XIRP2: variants seen among roughly 807,000 people sequenced by gnomAD.
The protein encoded by XIRP2 is xin actin binding repeat containing 2.
Under a neutral mutation model 277.0 loss-of-function variants are expected in XIRP2, and 236 were observed. The ratio of observed to expected loss-of-function variants is 0.85; its 90% confidence interval spans 0.77 to 0.95. The LOEUF (loss-of-function observed/expected upper bound fraction) is 0.95. XIRP2 is among the 40% of genes least tolerant of loss of function. The probability of loss-of-function intolerance (pLI) is 0.00; values close to 1 mark genes in which losing one functional copy is unlikely to be tolerated. For missense variants in XIRP2, 4,640 were observed against 4,157.5 expected (o/e 1.12, Z -3.19); for synonymous variants, 1,490 against 1,416.5 (o/e 1.05, Z -1.17).
intron 2 of XIRP2, among the ~76,000 whole-genome samples, chr2:166,953,156 GT>G (rs1350279691): frequency 6.6e-6 from 1 of 151,920 alleles, no homozygotes; most frequent in Non-Finnish European, 1.5e-5. Context: ...GCTCTCCAAA[GT>G]GCAAATGTGC....
At chr2:167,194,277 C>T (rs1377188727) in intron 3 of XIRP2, among the ~76,000 whole-genome samples, 3 of 151,886 alleles carry the variant, frequency 2.0e-5, no homozygotes, top group Non-Finnish European at 4.4e-5. Context: ...GACGAGGTTT[C>T]ACCATGTCGG....
chr2:167,127,314 C>T lies in XIRP2; in HGVS notation c.409-8595C>T, dbSNP rs185072233. On this transcript the variant is annotated intron_variant, in intron 2 of 10. Transcript: ENST00000409195. ...AGGTAGAGTTGTGCATCTATCATGA[C>T]GATTTTCCAGCAGATGGCAGTAACA... 3.9e-5 allele frequency among the ~76,000 whole-genome samples: 6 copies of T among 152,252 alleles called. No individual in the cohort carries two copies. In the East Asian group the frequency reaches 7.7e-4, roughly 20 times the overall value.
chr2:167,097,013 T>C (rs1463571815), intron 2 of XIRP2, among the ~76,000 whole-genome samples: 1 of 152,188 alleles, frequency 6.6e-6, no homozygotes, highest in East Asian at 1.9e-4. Flanking sequence ...AAGAATAATG[T>C]ATATTCTGTT....
chr2:167,149,587 C>T (rs1046148977), intron 3 of XIRP2, among the ~76,000 whole-genome samples: 13 of 151,982 alleles, frequency 8.6e-5, no homozygotes, highest in Admixed American at 3.9e-4. Flanking sequence ...AAGAAAAATT[C>T]GATCTTGTCT....
chr2:167,027,303 T>A (rs1296250328), intron 2 of XIRP2, among the ~76,000 whole-genome samples: 2 of 152,176 alleles, frequency 1.3e-5, no homozygotes, highest in Non-Finnish European at 2.9e-5. Context: ...CATCAGCTCC[T>A]GAGGCTTCTA....
chr2:167,259,662 A>AT lies in XIRP2; in HGVS notation c.*1850dup, dbSNP rs2105460922. 1 of 271,452 alleles carries AT rather than the reference A, an allele frequency of 3.7e-6. No homozygotes were observed. The allele number at this position is 271,452 out of a possible 1,614,324, so 16.8% of individuals were successfully genotyped here. ...TTTCCTGTAAAACATCATGGGTGTG[A>AT]TTTTTATACTGCTGCTGCTTGTCAC... On this transcript the variant is annotated 3_prime_UTR_variant, in exon 11 of 11. Transcript: ENST00000409195.
At chr2:167,082,110 C>A (rs1689754637) in intron 2 of XIRP2, among the ~76,000 whole-genome samples, 1 of 148,622 alleles carries the variant, frequency 6.7e-6, no homozygotes, top group African/African-American at 2.5e-5. Context: ...CTCTACCCAC[C>A]ACAGTCCCCA....
chr2:167,076,729 A>C (rs1313386702), intron 2 of XIRP2, among the ~76,000 whole-genome samples: 1 of 152,230 alleles, frequency 6.6e-6, no homozygotes, highest in Admixed American at 6.5e-5. Flanking sequence ...TGTGTTCATA[A>C]GCATTGATTA....
chr2:167,000,713 T>A (rs1241620142), intron 2 of XIRP2, among the ~76,000 whole-genome samples: 1 of 152,148 alleles, frequency 6.6e-6, no homozygotes, highest in Non-Finnish European at 1.5e-5. Context: ...TATGTTTCAA[T>A]CATTTACAGT....
chr2:167,100,302 G>A (rs549764714), intron 2 of XIRP2, among the ~76,000 whole-genome samples: 15 of 152,108 alleles, frequency 9.9e-5, no homozygotes, highest in African/African-American at 1.4e-4. Context: ...TCTTTGAAAA[G>A]GTTTACTTCT....
chr2:167,092,008 G>T (rs72884659), intron 2 of XIRP2, among the ~76,000 whole-genome samples: 5,994 of 152,160 alleles, frequency 0.039, 170 homozygotes, highest in Non-Finnish European at 0.063. Flanking sequence ...GACTTGTTGG[G>T]CCAAGATCCA....
chr2:166,955,072 A>C (rs1484642772), intron 2 of XIRP2, among the ~76,000 whole-genome samples: 1 of 151,918 alleles, frequency 6.6e-6, no homozygotes, highest in African/African-American at 2.4e-5. Context: ...AACTTATAAA[A>C]TAAAATAATT....
At position 167,251,044 on chromosome 2, in the gene XIRP2, C is replaced by G; in HGVS notation, c.9652C>G (p.Pro3218Ala). 1 of 1,613,642 alleles carries G rather than the reference C, an allele frequency of 6.2e-7. No individual in the cohort carries two copies. The highest frequency in any genetic ancestry group is 8.5e-7 in the Non-Finnish European group (1 of 1,179,740). The change falls in exon 9 of 11, where the codon CCT becomes GCT. Residue 3218 changes from proline (P) to alanine (A), a missense_variant. Physicochemically the swap from Pro to Ala is conservative, Grantham distance 27 (BLOSUM62 -1). Transcript: ENST00000409195. ...VEKRSEIIMSPATLRRQIKIE... is the reference protein window; with the variant it reads ...VEKRSEIIMSAATLRRQIKIE... ...GAAGAGGTCTGAAATCATCATGTCTCCTGCAACACTTCGTCGTCAAATTAA... is the reference window on the plus strand; with the variant it reads ...GAAGAGGTCTGAAATCATCATGTCTGCTGCAACACTTCGTCGTCAAATTAA...
intron 2 of XIRP2, among the ~76,000 whole-genome samples, chr2:166,918,806 A>G (rs1264364337): frequency 2.0e-5 from 3 of 152,112 alleles, no homozygotes; most frequent in Non-Finnish European, 4.4e-5. Flanking sequence ...TTTGTGGGGA[A>G]ATGATCCTCT....
intron 2 of XIRP2, among the ~76,000 whole-genome samples, chr2:167,015,571 G>T (rs907567478): frequency 2.0e-5 from 3 of 151,700 alleles, no homozygotes; most frequent in African/African-American, 4.8e-5. Flanking sequence ...AGTCACCTAA[G>T]TTGCAAAACT....
chr2:166,950,220 T>C (rs1685991251), intron 2 of XIRP2, among the ~76,000 whole-genome samples: 1 of 152,056 alleles, frequency 6.6e-6, no homozygotes, highest in South Asian at 2.1e-4. Flanking sequence ...AATATCTGCA[T>C]GTAGTATTTG....
At chr2:167,187,353 C>T in intron 3 of XIRP2, 5 of 985,364 alleles carry the variant, frequency 5.1e-6, no homozygotes, top group Non-Finnish European at 4.8e-6. Flanking sequence ...ATAAATTCAG[C>T]CGTCCCATCT....
chr2:167,220,242 G>A (rs1694381767), intron 5 of XIRP2, among the ~76,000 whole-genome samples: 1 of 151,990 alleles, frequency 6.6e-6, no homozygotes, highest in Non-Finnish European at 1.5e-5. Flanking sequence ...GGGGCTTAAA[G>A]TATGGTCCTA....
At chr2:167,173,282 C>T (rs1024977989) in intron 3 of XIRP2, among the ~76,000 whole-genome samples, 3 of 151,088 alleles carry the variant, frequency 2.0e-5, no homozygotes, top group African/African-American at 7.4e-5. Context: ...CAACACCACA[C>T]TATGCTTCTC....
Sources: gnomAD v4.1 joint callset for allele counts (sites outside exome capture counted in the v4.1 genomes callset) on GRCh38, gnomAD v4.1.1 for gene constraint, MANE v1.5 for transcripts, NCBI Gene and HGNC (gene_info 2026-07-23, HGNC 2026-07-21) for gene names.